NRXN1: variants seen among roughly 807,000 people sequenced by gnomAD.
NRXN1 encodes the protein neurexin-1.
A neutral mutation model predicts 150.9 loss-of-function variants in NRXN1; 39 were observed. That is an observed-to-expected ratio of 0.26 (90% CI 0.20 to 0.34). NRXN1 has a LOEUF of 0.34. NRXN1 is among the 10% of genes least tolerant of loss of function. NRXN1 has a pLI of 1.00. For missense variants in NRXN1, 1,815 were observed against 1,949.9 expected (o/e 0.93, Z 1.30); for synonymous variants, 924 against 757.0 (o/e 1.22, Z -3.62).
chr2:50,427,830 T>A (rs1006196333), intron 17 of NRXN1, among the ~76,000 whole-genome samples: 3 of 152,162 alleles, frequency 2.0e-5, no homozygotes, highest in African/African-American at 7.2e-5. Context: ...CCATTCCCAT[T>A]TTCTTTATAT....
intron 17 of NRXN1, among the ~76,000 whole-genome samples, chr2:50,372,506 A>C (rs1042859137): frequency 6.6e-6 from 1 of 152,106 alleles, no homozygotes; most frequent in Non-Finnish European, 1.5e-5. Flanking sequence ...AGAAACATTA[A>C]GCACTTTTAT....
intron 8 of NRXN1, among the ~76,000 whole-genome samples, chr2:50,565,180 A>T (rs1341600268): frequency 6.6e-6 from 1 of 152,188 alleles, no homozygotes; most frequent in Non-Finnish European, 1.5e-5. Context: ...AAAATGCGTC[A>T]TAACTTTAGG....
chr2:50,221,840 G>A (rs549346748), intron 18 of NRXN1, among the ~76,000 whole-genome samples: 9 of 152,006 alleles, frequency 5.9e-5, no homozygotes, highest in South Asian at 2.1e-4. Flanking sequence ...CAGGAACTTC[G>A]TCATTTAAAT....
chr2:49,944,899 G>C (rs1258207494), intron 21 of NRXN1, among the ~76,000 whole-genome samples: 1 of 152,084 alleles, frequency 6.6e-6, no homozygotes, highest in Non-Finnish European at 1.5e-5. Context: ...TACGATATGA[G>C]CACCTAATAT....
chr2:50,493,711 C>T (rs192322368), intron 15 of NRXN1, among the ~76,000 whole-genome samples: 170 of 152,252 alleles, frequency 1.1e-3, no homozygotes, highest in African/African-American at 4.0e-3. Flanking sequence ...GATCACATAC[C>T]CAATTTGTTA....
At chr2:50,358,276 G>T (rs2078961226) in intron 17 of NRXN1, among the ~76,000 whole-genome samples, 1 of 152,186 alleles carries the variant, frequency 6.6e-6, no homozygotes, top group Non-Finnish European at 1.5e-5. Context: ...GAAGCCAAGT[G>T]GTCTTGCTCA....
rs149018098 is a variant in NRXN1 at position 50,373,851 on chromosome 2, G to A, written c.3364+91591C>T. ...CATCAAATTAGCCCCAAAGTTATTT[G>A]TGATTATTATTTGCTTTTGAGTTCT... On this transcript the variant is annotated intron_variant, in intron 17 of 22. Transcript: ENST00000401669. 2.0e-3 allele frequency among the ~76,000 whole-genome samples: 311 copies of A among 152,106 alleles called. 1 individual carries two copies. Among genetic ancestry groups the A allele is most frequent in the African/African-American group, 7.1e-3 (296 of 41,524 alleles).
At chr2:50,352,776 T>TAATAATATAATAATA (rs1478736717) in intron 17 of NRXN1, among the ~76,000 whole-genome samples, 41 of 84,024 alleles carry the variant, frequency 4.9e-4, no homozygotes, top group Admixed American at 9.6e-4. Context: ...ATAATAATAA[T>TAATAATATAATAATA]ATTATAATAA....
chr2:50,329,620 T>C (rs2076656254), intron 17 of NRXN1, among the ~76,000 whole-genome samples: 10 of 3,942 alleles, frequency 2.5e-3, no homozygotes, highest in Admixed American at 5.6e-3. Flanking sequence ...TGTGTGTGTA[T>C]ATATATATAT....
chr2:50,911,503 C>A (rs1402826017), intron 5 of NRXN1, among the ~76,000 whole-genome samples: 1 of 151,848 alleles, frequency 6.6e-6, no homozygotes, highest in Non-Finnish European at 1.5e-5. Flanking sequence ...GACCAAATTT[C>A]TACCCCAATA....
At chr2:50,274,365 G>T (rs1040036190) in intron 17 of NRXN1, among the ~76,000 whole-genome samples, 1 of 152,096 alleles carries the variant, frequency 6.6e-6, no homozygotes, top group African/African-American at 2.4e-5. Context: ...TGGACACAGG[G>T]AGGGGAACAT....
chr2:50,813,500 GTTGA>G (rs1668513494), intron 5 of NRXN1, among the ~76,000 whole-genome samples: 1 of 152,048 alleles, frequency 6.6e-6, no homozygotes, highest in East Asian at 1.9e-4. Context: ...AGTAAAAATC[GTTGA>G]TTATTAGCAA....
intron 17 of NRXN1, among the ~76,000 whole-genome samples, chr2:50,329,360 T>A (rs544095862): frequency 9.3e-4 from 141 of 151,644 alleles, no homozygotes; most frequent in African/African-American, 3.2e-3. Context: ...ATGAGGGTTT[T>A]TTTTTCTTAT....
chr2:50,836,296 GC>G (rs1296984550), intron 5 of NRXN1, among the ~76,000 whole-genome samples: 1 of 152,042 alleles, frequency 6.6e-6, no homozygotes, highest in Non-Finnish European at 1.5e-5. Context: ...CAAATCCAAT[GC>G]TTCATATACT....
chr2:50,214,550 C>T (rs593468), intron 18 of NRXN1, among the ~76,000 whole-genome samples: 53,892 of 151,478 alleles, frequency 0.36, 10,258 homozygotes, highest in Non-Finnish European at 0.42. Context: ...TTCCAGCAGG[C>T]ACAGAAAAAA....
At chr2:50,291,338 G>A (rs549578420) in intron 17 of NRXN1, among the ~76,000 whole-genome samples, 2 of 152,208 alleles carry the variant, frequency 1.3e-5, no homozygotes, top group South Asian at 2.1e-4. Context: ...CGAGTTAAGA[G>A]TTTAAGCTTA....
At chr2:50,982,866 T>C (rs1399934888) in intron 2 of NRXN1, among the ~76,000 whole-genome samples, 1 of 152,076 alleles carries the variant, frequency 6.6e-6, no homozygotes, top group Non-Finnish European at 1.5e-5. Flanking sequence ...AATAACTCTG[T>C]TTTTAAATAG....
At chr2:50,690,176 G>A (rs1296195771) in intron 5 of NRXN1, among the ~76,000 whole-genome samples, 3 of 152,106 alleles carry the variant, frequency 2.0e-5, no homozygotes, top group Non-Finnish European at 2.9e-5. Context: ...ACAGAATGCC[G>A]TGATGTCAAC....
At chr2:50,760,905 C>T (rs1041124504) in intron 5 of NRXN1, among the ~76,000 whole-genome samples, 1 of 151,870 alleles carries the variant, frequency 6.6e-6, no homozygotes, top group African/African-American at 2.4e-5. Flanking sequence ...TGTGCCTCAG[C>T]TCAGGAGCTT....
Sources: gnomAD v4.1 joint callset for allele counts (sites outside exome capture counted in the v4.1 genomes callset) on GRCh38, gnomAD v4.1.1 for gene constraint, MANE v1.5 for transcripts, NCBI Gene and HGNC (gene_info 2026-07-23, HGNC 2026-07-21) for gene names.